Variants in BICDL1 observed in about 807,000 individuals in gnomAD.
BICDL1 encodes the protein BICD family like cargo adaptor 1, also known as BICD family-like cargo adapter 1.
In BICDL1, 20 loss-of-function variants were observed where a neutral mutation model predicts 76.8. The observed-to-expected ratio is 0.26, with a 90% CI of 0.18 to 0.38. The LOEUF (loss-of-function observed/expected upper bound fraction) is 0.38. Ranked by LOEUF, BICDL1 falls within the 10% of genes least tolerant of loss-of-function variation. The pLI is 1.00. For missense variants in BICDL1, 700 were observed against 798.6 expected (o/e 0.88, Z 1.49); for synonymous variants, 383 against 337.1 (o/e 1.14, Z -1.49).
intron 2 of BICDL1, among the ~76,000 whole-genome samples, chr12:120,042,524 G>T (rs1290040401): frequency 1.3e-5 from 2 of 152,156 alleles, no homozygotes; most frequent in African/African-American, 4.8e-5. Context: ...CCTAAGTCAG[G>T]CCGGGCGTGG....
chr12:120,001,205 C>A (rs1951752316), intron 2 of BICDL1, among the ~76,000 whole-genome samples: 1 of 151,868 alleles, frequency 6.6e-6, no homozygotes, highest in Admixed American at 6.6e-5. Context: ...TGAATTAAGA[C>A]AAGATAATCA....
intron 2 of BICDL1, among the ~76,000 whole-genome samples, chr12:120,039,686 A>T (rs1443168864): frequency 6.7e-6 from 1 of 150,280 alleles, no homozygotes; most frequent in Admixed American, 6.6e-5. Context: ...AGGATGTAGG[A>T]TTTAAAGAGG....
intron 4 of BICDL1, among the ~76,000 whole-genome samples, chr12:120,068,684 C>T (rs182096387): frequency 1.4e-3 from 207 of 152,290 alleles, no homozygotes; most frequent in African/African-American, 4.6e-3. Context: ...GACATGGCGG[C>T]GCATGCCTGT....
intron 2 of BICDL1, among the ~76,000 whole-genome samples, chr12:120,049,171 A>G (rs982163616): frequency 1.3e-5 from 2 of 152,236 alleles, no homozygotes; most frequent in African/African-American, 2.4e-5. Flanking sequence ...TGGAATGCCA[A>G]GGAGCACAGA....
intron 4 of BICDL1, among the ~76,000 whole-genome samples, chr12:120,068,708 A>C (rs1872848463): frequency 6.6e-6 from 1 of 152,182 alleles, no homozygotes. Flanking sequence ...CCCAGCTACT[A>C]GGGAGGCTGA....
At chr12:120,074,744 T>C (rs765077098) in intron 7 of BICDL1, among the ~76,000 whole-genome samples, 158 bp downstream of exon 7, 1 of 152,234 alleles carries the variant, frequency 6.6e-6, no homozygotes, top group Non-Finnish European at 1.5e-5. Flanking sequence ...GTAAACTGAA[T>C]GTCTTCAAGA....
In BICDL1 at chr12:120,092,120, A is replaced by G. The variant is rs532507847; in HGVS notation, c.1705-880A>G. On this transcript the variant is annotated intron_variant, in intron 9 of 9. Transcript: ENST00000548673. Reference sequence around the variant, plus strand: ...CATATTTCTAAAGCAGGAGTTTTCAAACTTTGTTAGTGGCAGAACTTTTGT... The same window carrying G: ...CATATTTCTAAAGCAGGAGTTTTCAGACTTTGTTAGTGGCAGAACTTTTGT... 14 of 985,416 alleles carry G rather than the reference A, an allele frequency of 1.4e-5. No homozygotes were observed. In the South Asian group the frequency reaches 4.2e-4, roughly 30 times the overall value. 61.0% of individuals were successfully genotyped at this position (985,416 alleles called of 1,614,324 possible).
At position 120,061,730 on chromosome 12, in the gene BICDL1, A is replaced by G; in HGVS notation, c.666A>G (p.Gln222=). ...QLSRASEVER[Q]LSMQVHALRE... ...TTCAGGCATCAGAAGTTGAGAGACA[A>G]CTCTCCATGCAGGTCCACGCCCTCA... Residue 222 remains glutamine (Q), a synonymous_variant, in exon 3 of 10, where the codon CAA becomes CAG. Coordinates refer to ENST00000548673, the MANE Select transcript of BICDL1 (RefSeq NM_001367886.1). 1 of 1,613,980 alleles carries G rather than the reference A, an allele frequency of 6.2e-7. No individual in the cohort carries two copies. The highest frequency in any genetic ancestry group is 8.5e-7 in the Non-Finnish European group (1 of 1,179,872).
intron 2 of BICDL1, among the ~76,000 whole-genome samples, chr12:120,042,800 C>A (rs4767873): frequency 0.31 from 46,747 of 148,670 alleles, 9,256 homozygotes; most frequent in African/African-American, 0.55. Context: ...GCGAGACTCC[C>A]CCTCAAAAAA....
chr12:120,090,844 C>G, intron 9 of BICDL1: 2 of 1,275,320 alleles, frequency 1.6e-6, no homozygotes, highest in Middle Eastern at 4.8e-4. Flanking sequence ...CTCCTTGGCT[C>G]CTGCATGGCA....
At chr12:120,057,482 A>G (rs1370445322) in intron 2 of BICDL1, among the ~76,000 whole-genome samples, 1 of 152,208 alleles carries the variant, frequency 6.6e-6, no homozygotes, top group Non-Finnish European at 1.5e-5. Flanking sequence ...ACTTCCAGAA[A>G]GCATTTAGAA....
intron 2 of BICDL1, chr12:120,000,020 C>T (rs1298310076): frequency 1.6e-5 from 3 of 186,442 alleles, no homozygotes; most frequent in Admixed American, 1.2e-4. Context: ...GAAGTTATTT[C>T]ACTAGTTTGT....
At chr12:120,040,371 C>T (rs899404001) in intron 2 of BICDL1, among the ~76,000 whole-genome samples, 1 of 152,114 alleles carries the variant, frequency 6.6e-6, no homozygotes, top group Non-Finnish European at 1.5e-5. Context: ...GATTAACAAG[C>T]GTGAGCCACC....
At chr12:120,013,745 A>G (rs1176656458) in intron 2 of BICDL1, among the ~76,000 whole-genome samples, 2 of 152,166 alleles carry the variant, frequency 1.3e-5, no homozygotes, top group Non-Finnish European at 2.9e-5. Context: ...TACAGGCGTG[A>G]GCCACCGTGT....
chr12:120,067,339 C>T (rs1267187189), intron 4 of BICDL1, among the ~76,000 whole-genome samples: 1 of 152,242 alleles, frequency 6.6e-6, no homozygotes, highest in African/African-American at 2.4e-5. Flanking sequence ...CTAGACCTTG[C>T]TCTAATGCTG....
chr12:120,006,384 C>T (rs1007685939), intron 2 of BICDL1, among the ~76,000 whole-genome samples: 1 of 152,030 alleles, frequency 6.6e-6, no homozygotes, highest in Non-Finnish European at 1.5e-5. Context: ...TAATGTGCAC[C>T]TACTATGTAT....
intron 2 of BICDL1, among the ~76,000 whole-genome samples, chr12:120,042,240 C>T (rs1952656675): frequency 6.6e-6 from 1 of 152,132 alleles, no homozygotes; most frequent in African/African-American, 2.4e-5. Context: ...TCATCTCATA[C>T]TCATAATAGT....
chr12:120,013,506 G>T (rs1952000434), intron 2 of BICDL1, among the ~76,000 whole-genome samples: 1 of 145,686 alleles, frequency 6.9e-6, no homozygotes, highest in African/African-American at 2.6e-5. Context: ...CTATCACCCA[G>T]GCTGGAGTGC....
At chr12:120,042,214 C>A (rs1211474189) in intron 2 of BICDL1, among the ~76,000 whole-genome samples, 1 of 152,076 alleles carries the variant, frequency 6.6e-6, no homozygotes, top group Non-Finnish European at 1.5e-5. Flanking sequence ...GTTCCAATGG[C>A]TTTATAAATA....
Sources: allele counts gnomAD v4.1 joint callset (sites outside exome capture counted in the v4.1 genomes callset), GRCh38; gene constraint gnomAD v4.1.1; transcripts MANE v1.5; gene names NCBI Gene and HGNC (gene_info 2026-07-23, HGNC 2026-07-21).